ANKS1B: variants seen among roughly 807,000 people sequenced by gnomAD.
ANKS1B encodes ankyrin repeat and sterile alpha motif domain containing 1B, also known as ankyrin repeat and sterile alpha motif domain-containing protein 1B.
ANKS1B carries 36 observed loss-of-function variants against 148.3 expected under a neutral mutation model. That is an observed-to-expected ratio of 0.24 (90% CI 0.19 to 0.32). The LOEUF (loss-of-function observed/expected upper bound fraction) is 0.32, where lower values mean the gene tolerates loss of function less well. Ranked by LOEUF, ANKS1B falls within the 10% of genes least tolerant of loss-of-function variation. The pLI, the probability that ANKS1B is intolerant of heterozygous loss-of-function variation, is 1.00. For synonymous variants in ANKS1B, 542 were observed against 560.8 expected (o/e 0.97, Z 0.47); for missense variants, 1,157 against 1,542.6 (o/e 0.75, Z 4.19).
chr12:99,078,741 A>ACCCCCCGGG (rs2048657242), intron 16 of ANKS1B, among the ~76,000 whole-genome samples: 1 of 147,118 alleles, frequency 6.8e-6, no homozygotes, highest in Admixed American at 7.0e-5. Flanking sequence ...TCTAAGATGT[A>ACCCCCCGGG]CCCCACCCTG....
At chr12:99,370,266 G>A (rs917978165) in intron 12 of ANKS1B, among the ~76,000 whole-genome samples, 1 of 152,128 alleles carries the variant, frequency 6.6e-6, no homozygotes, top group African/African-American at 2.4e-5. Flanking sequence ...TGGATCTAGA[G>A]TGCTTGGCCA....
intron 8 of ANKS1B, among the ~76,000 whole-genome samples, chr12:99,761,091 C>T (rs1478610273): frequency 7.0e-6 from 1 of 142,742 alleles, no homozygotes; most frequent in Admixed American, 7.0e-5. Flanking sequence ...AAACCCTGGA[C>T]CAGAAGGATT....
chr12:99,718,393 G>T (rs540160410), intron 8 of ANKS1B, among the ~76,000 whole-genome samples: 7 of 151,910 alleles, frequency 4.6e-5, no homozygotes, highest in African/African-American at 1.7e-4. Context: ...TAACCCACAA[G>T]TATAAGATAC....
chr12:99,379,753 C>T (rs1364617809), intron 12 of ANKS1B, among the ~76,000 whole-genome samples: 2 of 152,322 alleles, frequency 1.3e-5, no homozygotes, highest in Admixed American at 6.5e-5. Context: ...CTAGTGTCTA[C>T]TTACGATAAT....
intron 6 of ANKS1B, among the ~76,000 whole-genome samples, chr12:99,776,646 T>A (rs2063675025): frequency 6.6e-6 from 1 of 151,850 alleles, no homozygotes; most frequent in Non-Finnish European, 1.5e-5. Context: ...CTCCAGAGTT[T>A]GAGCTAAAAT....
At chr12:99,320,487 C>A (rs1332479268) in intron 12 of ANKS1B, among the ~76,000 whole-genome samples, 1 of 152,140 alleles carries the variant, frequency 6.6e-6, no homozygotes, top group African/African-American at 2.4e-5. Context: ...ATCGAATCGG[C>A]TACTGAAGCT....
At chr12:98,949,438 G>A (rs1445039397) in intron 17 of ANKS1B, among the ~76,000 whole-genome samples, 1 of 152,156 alleles carries the variant, frequency 6.6e-6, no homozygotes, top group Non-Finnish European at 1.5e-5. Flanking sequence ...CTAGGAGGTA[G>A]GATGCCAGAT....
chr12:99,743,227 T>C (rs925027967), intron 8 of ANKS1B, among the ~76,000 whole-genome samples: 6 of 152,168 alleles, frequency 3.9e-5, no homozygotes, highest in Non-Finnish European at 7.4e-5. Context: ...AGGGAAAGAC[T>C]TTTGTCTCAA....
chr12:99,790,851 AAAGG>A (rs1382668349), intron 4 of ANKS1B, among the ~76,000 whole-genome samples: 9 of 152,048 alleles, frequency 5.9e-5, no homozygotes, highest in Middle Eastern at 3.2e-3. Context: ...AGAAAGGAAA[AAAGG>A]AAGAGCAGAC....
At chr12:99,108,061 G>A (rs2059591510) in intron 15 of ANKS1B, among the ~76,000 whole-genome samples, 1 of 152,172 alleles carries the variant, frequency 6.6e-6, no homozygotes, top group Admixed American at 6.5e-5. Flanking sequence ...CAGATTAAGA[G>A]ATGTGAGGCT....
intron 12 of ANKS1B, among the ~76,000 whole-genome samples, chr12:99,291,477 A>T (rs1468536452): frequency 6.6e-6 from 1 of 152,210 alleles, no homozygotes; most frequent in Non-Finnish European, 1.5e-5. Context: ...GAATCACATT[A>T]CCAGACTTCA....
In ANKS1B at chr12:98,793,117, C is replaced by G. The variant is rs551804604; in HGVS notation, c.3342+5817G>C. Among the ~76,000 whole-genome samples, 109 of 152,320 alleles carry G rather than the reference C, an allele frequency of 7.2e-4. 1 individual carries two copies. Among genetic ancestry groups the G allele is most frequent in the African/African-American group, 2.5e-3 (102 of 41,580 alleles). ...GGGTTCTCTTTTCTCCACATTCTCA[C>G]CAACATTTGTTATCTTTTGTCTTTT... On this transcript the variant is annotated intron_variant, in intron 22 of 26. Coordinates refer to ENST00000683438, the MANE Select transcript of ANKS1B (RefSeq NM_001352186.2).
At chr12:99,344,698 T>A (rs938793467) in intron 12 of ANKS1B, among the ~76,000 whole-genome samples, 25 of 152,032 alleles carry the variant, frequency 1.6e-4, no homozygotes, top group Admixed American at 4.6e-4. Flanking sequence ...TTTCTATGCA[T>A]AACAGAATTA....
chr12:99,136,836 T>C (rs1189355717), intron 15 of ANKS1B, among the ~76,000 whole-genome samples: 2 of 152,220 alleles, frequency 1.3e-5, no homozygotes, highest in Non-Finnish European at 2.9e-5. Context: ...TATTTCATTT[T>C]TTTTAAAGTG....
intron 17 of ANKS1B, among the ~76,000 whole-genome samples, chr12:98,900,308 A>G (rs1213870115): frequency 4.6e-5 from 7 of 152,206 alleles, no homozygotes; most frequent in Admixed American, 4.6e-4. Flanking sequence ...AAAGTAAAAG[A>G]TCTTTCTTAT....
intron 2 of ANKS1B, among the ~76,000 whole-genome samples, chr12:99,824,595 A>T (rs182051262): frequency 6.6e-5 from 10 of 152,224 alleles, no homozygotes; most frequent in African/African-American, 2.4e-4. Flanking sequence ...GGGGAGATAA[A>T]GGAAGAGGGT....
At chr12:99,150,993 T>G (rs188065235) in intron 15 of ANKS1B, among the ~76,000 whole-genome samples, 242 of 152,296 alleles carry the variant, frequency 1.6e-3, no homozygotes, top group Non-Finnish European at 3.0e-3. Context: ...GGTGACCTGA[T>G]GTACTTCTGA....
chr12:99,203,355 C>T (rs764264454), intron 14 of ANKS1B, among the ~76,000 whole-genome samples: 65 of 152,242 alleles, frequency 4.3e-4, no homozygotes, highest in Admixed American at 2.0e-3. Flanking sequence ...TTTCTGACAT[C>T]TATTGAAGTC....
intron 6 of ANKS1B, among the ~76,000 whole-genome samples, chr12:99,777,007 C>A (rs928364637): frequency 3.3e-5 from 5 of 152,034 alleles, no homozygotes; most frequent in African/African-American, 9.7e-5. Flanking sequence ...TAAATGTTAA[C>A]AGCTAATTCA....
Sources: gnomAD v4.1 joint callset for allele counts (sites outside exome capture counted in the v4.1 genomes callset) on GRCh38, gnomAD v4.1.1 for gene constraint, MANE v1.5 for transcripts, NCBI Gene and HGNC (gene_info 2026-07-23, HGNC 2026-07-21) for gene names.